TRIQK: variants seen among roughly 807,000 people sequenced by gnomAD.
The protein encoded by TRIQK is triple QxxK/R motif containing.
Under a neutral mutation model 10.8 loss-of-function variants are expected in TRIQK, and 10 were observed. The observed-to-expected ratio is 0.92, with a 90% CI of 0.57 to 1.57. TRIQK has a LOEUF of 1.57. Ranked by LOEUF, TRIQK falls within the 40% of genes most tolerant of loss-of-function variation. The pLI is 0.00. For missense variants in TRIQK, 107 were observed against 97.7 expected, an observed-to-expected ratio of 1.09 and a Z score of -0.40; for synonymous variants, 33 against 33.7, an observed-to-expected ratio of 0.98 and a Z score of 0.07.
chr8:92,950,970 A>G (rs1238654979), intron 2 of TRIQK, among the ~76,000 whole-genome samples: 2 of 152,060 alleles, frequency 1.3e-5, no homozygotes, highest in Non-Finnish European at 2.9e-5. Flanking sequence ...CCTTACATAA[A>G]ATGGTGTAGC....
At chr8:92,951,852 C>G (rs1056460153) in intron 2 of TRIQK, among the ~76,000 whole-genome samples, 14 of 152,034 alleles carry the variant, frequency 9.2e-5, no homozygotes, top group Admixed American at 3.3e-4. Context: ...GAGAAATACT[C>G]AACTCCAGGC....
intron 2 of TRIQK, among the ~76,000 whole-genome samples, chr8:92,920,542 AAAAG>A (rs764602387): frequency 2.0e-5 from 3 of 151,836 alleles, no homozygotes; most frequent in African/African-American, 4.8e-5. Context: ...AAAGAAAAAA[AAAAG>A]AGAGAGAGAG....
At position 92,886,404 on chromosome 8, in the gene TRIQK, GAAAGATATATA is replaced by G; in HGVS notation, c.*207_*217del. 3.2e-6 allele frequency: 1 copy of G among 309,098 alleles called. No homozygotes were observed. Among genetic ancestry groups the G allele is most frequent in the Non-Finnish European group, 5.9e-6 (1 of 168,418 alleles). 19.1% of individuals were successfully genotyped at this position (309,098 alleles called of 1,614,324 possible). On this transcript the variant is annotated 3_prime_UTR_variant, in exon 5 of 5. Coordinates refer to ENST00000521988, the MANE Select transcript of TRIQK (RefSeq NM_001171797.2). ...CATGTATAGGGTGGCTGTCAAAGCAGAAAGATATATAAAAGTATCCAGTAGCACATACTATA... is the reference window on the plus strand; with the variant it reads ...CATGTATAGGGTGGCTGTCAAAGCAGAAAGTATCCAGTAGCACATACTATA...
chr8:92,900,747 G>T (rs1033283887), intron 3 of TRIQK, among the ~76,000 whole-genome samples: 1 of 151,882 alleles, frequency 6.6e-6, no homozygotes, highest in Non-Finnish European at 1.5e-5. Flanking sequence ...TAATATAAAT[G>T]TTAGGATTAC....
intron 1 of TRIQK, among the ~76,000 whole-genome samples, chr8:92,985,271 A>C (rs1006227170): frequency 5.3e-5 from 8 of 152,182 alleles, no homozygotes; most frequent in Non-Finnish European, 8.8e-5. Context: ...CACATGCACA[A>C]AACACAGAGA....
intron 1 of TRIQK, among the ~76,000 whole-genome samples, chr8:93,016,092 G>A (rs1414411522): frequency 5.3e-5 from 8 of 152,074 alleles, no homozygotes; most frequent in Non-Finnish European, 5.9e-5. Context: ...TGATGATCTT[G>A]AATGCTTCTT....
intron 1 of TRIQK, among the ~76,000 whole-genome samples, chr8:92,962,963 G>T (rs914223375): frequency 6.6e-6 from 1 of 152,232 alleles, no homozygotes; most frequent in Non-Finnish European, 1.5e-5. Flanking sequence ...ATCCCCACTC[G>T]ACTTGTTATT....
At chr8:93,012,441 G>A (rs186421528) in intron 1 of TRIQK, among the ~76,000 whole-genome samples, 72 of 152,134 alleles carry the variant, frequency 4.7e-4, no homozygotes, top group South Asian at 2.1e-3. Flanking sequence ...TAGATCCAGC[G>A]TTTTCAGAAA....
intron 3 of TRIQK, among the ~76,000 whole-genome samples, chr8:92,894,448 G>C (rs1554597662): frequency 1.3e-5 from 2 of 148,436 alleles, no homozygotes; most frequent in Non-Finnish European, 3.0e-5. Flanking sequence ...TTACACCTAA[G>C]GGAAAAAAAA....
intron 1 of TRIQK, among the ~76,000 whole-genome samples, chr8:93,000,033 A>G (rs1430286990): frequency 6.6e-6 from 1 of 152,096 alleles, no homozygotes; most frequent in Non-Finnish European, 1.5e-5. Flanking sequence ...TGGTCTCTAT[A>G]TTTACTCATT....
intron 1 of TRIQK, among the ~76,000 whole-genome samples, chr8:92,956,376 T>C (rs1812173196): frequency 6.6e-6 from 1 of 151,678 alleles, no homozygotes; most frequent in South Asian, 2.1e-4. Context: ...AGTGGTTGCT[T>C]AAGGGTGCAG....
intron 2 of TRIQK, among the ~76,000 whole-genome samples, chr8:92,947,054 T>C (rs901753904): frequency 2.6e-5 from 4 of 151,730 alleles, no homozygotes; most frequent in African/African-American, 4.8e-5. Flanking sequence ...CGTGAGCCAC[T>C]GCGCCTGGCT....
intron 2 of TRIQK, 34 bp from the exon 3 acceptor site, chr8:92,917,044 T>C (rs570364074): frequency 7.5e-7 from 1 of 1,332,150 alleles, no homozygotes; most frequent in African/African-American, 1.5e-5. Context: ...AAAATTTTTT[T>C]AAAAAGGAGT....
At chr8:92,963,710 A>G (rs890151804) in intron 1 of TRIQK, 3 of 152,140 alleles carry the variant, frequency 2.0e-5, no homozygotes, top group African/African-American at 7.3e-5. Flanking sequence ...CCTGACCAAC[A>G]TGAAGAAACC....
chr8:92,908,396 T>C (rs569884950), intron 3 of TRIQK, among the ~76,000 whole-genome samples: 40 of 152,266 alleles, frequency 2.6e-4, no homozygotes, highest in Admixed American at 1.5e-3. Context: ...GAGTACATTA[T>C]GCTATCAAGC....
At chr8:92,923,017 T>TATTTA (rs1810265200) in intron 2 of TRIQK, among the ~76,000 whole-genome samples, 1 of 151,818 alleles carries the variant, frequency 6.6e-6, no homozygotes, top group African/African-American at 2.4e-5. Context: ...ATTACTTACA[T>TATTTA]TTTATTAGCT....
intron 2 of TRIQK, among the ~76,000 whole-genome samples, chr8:92,920,471 G>GA (rs1357213210): frequency 2.7e-5 from 4 of 149,040 alleles, no homozygotes; most frequent in African/African-American, 9.9e-5. Flanking sequence ...GAACCAACAG[G>GA]AGAAAAATGA....
At chr8:92,983,244 C>A (rs1012779965) in intron 1 of TRIQK, among the ~76,000 whole-genome samples, 10 of 151,990 alleles carry the variant, frequency 6.6e-5, no homozygotes, top group Non-Finnish European at 1.2e-4. Context: ...ACAGAAGACA[C>A]AAGGCAGAGG....
chr8:92,953,217 T>C (rs1435155763), intron 2 of TRIQK, among the ~76,000 whole-genome samples: 5 of 152,112 alleles, frequency 3.3e-5, no homozygotes, highest in Middle Eastern at 3.4e-3. Context: ...CTCCTGAAGG[T>C]AGGAACTGTT....
Sources: gnomAD v4.1 joint callset for allele counts (sites outside exome capture counted in the v4.1 genomes callset) on GRCh38, gnomAD v4.1.1 for gene constraint, MANE v1.5 for transcripts, NCBI Gene and HGNC (gene_info 2026-07-23, HGNC 2026-07-21) for gene names.